STAG2: variants seen among roughly 807,000 people sequenced by gnomAD.
STAG2 encodes the protein STAG2 cohesin complex component, also known as cohesin subunit SA-2.
STAG2 carries 14 observed loss-of-function variants against 108.1 expected under a neutral mutation model. That is an observed-to-expected ratio of 0.13 (90% CI 0.09 to 0.20). STAG2 has a LOEUF of 0.20. Ranked by LOEUF, STAG2 falls within the 10% of genes least tolerant of loss-of-function variation. The probability of loss-of-function intolerance (pLI) is 1.00; values close to 1 mark genes in which losing one functional copy is unlikely to be tolerated. For synonymous variants in STAG2, 307 were observed against 302.7 expected, an observed-to-expected ratio of 1.01 and a Z score of -0.15; for missense variants, 440 against 940.9, an observed-to-expected ratio of 0.47 and a Z score of 6.96.
At chrX:123,978,154 C>CTT (rs778721456) in intron 1 of STAG2, among the ~76,000 whole-genome samples, 29 of 81,014 alleles carry the variant, frequency 3.6e-4, no homozygotes, top group South Asian at 2.7e-3. Context: ...CTACTGAGTT[C>CTT]TTTTTTTTTT....
intron 1 of STAG2, among the ~76,000 whole-genome samples, chrX:123,974,532 A>C (rs780113395): frequency 1.8e-3 from 172 of 98,047 alleles, no homozygotes; most frequent in Middle Eastern, 6.8e-3. Flanking sequence ...TGGCCCCATG[A>C]TCATCTTATA....
intron 1 of STAG2, among the ~76,000 whole-genome samples, chrX:123,993,006 G>C (rs1254226236): frequency 9.0e-6 from 1 of 111,310 alleles, no homozygotes; most frequent in Non-Finnish European, 1.9e-5. Context: ...GAAAAAGCAG[G>C]TCTTTGGTTT....
At chrX:124,066,149 T>A (rs753307903) in intron 21 of STAG2, 26 bp from the exon 22 acceptor site, 206 of 856,857 alleles carry the variant, frequency 2.4e-4, no homozygotes, top group Non-Finnish European at 3.0e-4. Flanking sequence ...CTTAATTTTT[T>A]TTTTTTTTTT....
Position 124,047,144 on chromosome X carries a change from A to G in STAG2, c.668-210A>G, listed in dbSNP as rs145891216. ...CGTGAATGAAATGGGTATAATACTT[A>G]CCTTTGAGAGGGCCATTGTGAGGAT... is the stretch of plus-strand genomic sequence containing the variant. On this transcript the variant is annotated intron_variant, in intron 8 of 34. Coordinates refer to ENST00000371145, the MANE Select transcript of STAG2 (RefSeq NM_001042750.2). Among the ~76,000 whole-genome samples, 284 of 111,687 alleles carry G rather than the reference A, an allele frequency of 2.5e-3. 1 individual carries two copies. Among genetic ancestry groups the G allele is most frequent in the African/African-American group, 8.5e-3 (261 of 30,836 alleles).
intron 29 of STAG2, among the ~76,000 whole-genome samples, chrX:124,086,226 A>G (rs1202334556): frequency 9.0e-6 from 1 of 111,635 alleles, no homozygotes; most frequent in African/African-American, 3.3e-5. Context: ...AATTACATAT[A>G]AGCCTTGAGA....
At chrX:124,073,953 T>G (rs2058737502) in intron 25 of STAG2, among the ~76,000 whole-genome samples, 1 of 112,428 alleles carries the variant, frequency 8.9e-6, no homozygotes, top group Non-Finnish European at 1.9e-5. Context: ...ATTTGTTGTT[T>G]ATCACACCTT....
intron 24 of STAG2, among the ~76,000 whole-genome samples, chrX:124,069,004 A>C (rs913054832): frequency 1.2e-4 from 13 of 111,807 alleles, no homozygotes; most frequent in African/African-American, 4.2e-4. Context: ...CCAGGGTAGA[A>C]AAGTCCACAG....
chrX:123,983,966 TTTC>T (rs1327901317), intron 1 of STAG2, among the ~76,000 whole-genome samples: 1 of 86,474 alleles, frequency 1.2e-5, no homozygotes, highest in Non-Finnish European at 2.2e-5. Flanking sequence ...ATAATTTTCT[TTTC>T]TTTTCTTTTT....
chrX:124,098,135 T>C (rs908807554), intron 34 of STAG2, among the ~76,000 whole-genome samples: 1 of 111,105 alleles, frequency 9.0e-6, no homozygotes, highest in African/African-American at 3.3e-5. Context: ...CATTTTTTAT[T>C]TATAGTGATT....
intron 5 of STAG2, among the ~76,000 whole-genome samples, chrX:124,033,282 C>T (rs1404551403): frequency 8.9e-6 from 1 of 112,181 alleles, no homozygotes; most frequent in Admixed American, 9.5e-5. Flanking sequence ...TCTAGTTCTC[C>T]TTTTGGGTTA....
At chrX:124,053,672 A>G (rs2058106872) in intron 13 of STAG2, among the ~76,000 whole-genome samples, 1 of 111,697 alleles carries the variant, frequency 9.0e-6, no homozygotes, top group African/African-American at 3.2e-5. Context: ...ATAGAGATGA[A>G]CACATATGCA....
chrX:123,977,832 GTTTTT>G (rs35569156), intron 1 of STAG2, among the ~76,000 whole-genome samples: 2 of 38,559 alleles, frequency 5.2e-5, no homozygotes, highest in African/African-American at 1.2e-4. Flanking sequence ...GTTCCCAAGT[GTTTTT>G]TTTTTTTTTT....
chrX:124,071,167 G>T lies in STAG2; in HGVS notation c.2377G>T (p.Asp793Tyr). ...VKEQAFTILC[D>Y]ILMIFSHQIM... Reference sequence around the variant, plus strand: ...TAAATAGGCCTTCACTATTCTGTGTGATATTTTGATGATCTTCAGCCATCA... The same window carrying T: ...TAAATAGGCCTTCACTATTCTGTGTTATATTTTGATGATCTTCAGCCATCA... Residue 793 changes from aspartate (D) to tyrosine (Y), a missense_variant, in exon 25 of 35, where the codon GAT becomes TAT. By Grantham distance (160) the Asp-to-Tyr change is radical. Transcript: ENST00000371145. 1 of 1,175,846 alleles carries T rather than the reference G, an allele frequency of 8.5e-7. No individual in the cohort carries two copies. Among genetic ancestry groups the T allele is most frequent in the East Asian group, 3.1e-5 (1 of 32,563 alleles).
chrX:124,046,944 A>G (rs1351034576), intron 8 of STAG2, among the ~76,000 whole-genome samples: 1 of 111,836 alleles, frequency 8.9e-6, no homozygotes, highest in African/African-American at 3.2e-5. Context: ...GTGTGAACTA[A>G]AATTTACTTT....
intron 1 of STAG2, among the ~76,000 whole-genome samples, chrX:123,972,349 C>T (rs2054390978): frequency 9.3e-6 from 1 of 107,146 alleles, no homozygotes; most frequent in South Asian, 4.1e-4. Context: ...CAGCTCACTG[C>T]AAGCTCCACC....
At chrX:124,096,450 G>A (rs2059381423) in intron 34 of STAG2, among the ~76,000 whole-genome samples, 2 of 111,006 alleles carry the variant, frequency 1.8e-5, no homozygotes, top group South Asian at 7.6e-4. Flanking sequence ...GACATTACCT[G>A]TGGAATTTTT....
chrX:124,073,279 C>G (rs1032023270), intron 25 of STAG2, among the ~76,000 whole-genome samples: 1 of 111,481 alleles, frequency 9.0e-6, no homozygotes, highest in African/African-American at 3.3e-5. Flanking sequence ...AGTACATAAC[C>G]GTTTTGTTAA....
chrX:123,978,346 C>A (rs2054725449), intron 1 of STAG2, among the ~76,000 whole-genome samples: 1 of 108,886 alleles, frequency 9.2e-6, no homozygotes, highest in East Asian at 2.9e-4. Flanking sequence ...TGTTGTTTCC[C>A]CCCATATGTC....
rs1491439046 is a variant in STAG2 at position 124,066,282 on chromosome X, TTA to T, written c.2184+21_2184+22del. 37 of 1,183,872 alleles carry T rather than the reference TTA, an allele frequency of 3.1e-5. No homozygotes were observed. The African/African-American group carries it at 4.8e-4, about 15-fold the overall frequency. On this transcript the variant is annotated intron_variant, in intron 22 of 34. Transcript: ENST00000371145. Reference sequence around the variant, plus strand: ...GAGCAGGTTTTTATTTATTTGCTAGTTACACATTTATCTTTGAAAAGTGAAGT... The same window carrying T: ...GAGCAGGTTTTTATTTATTTGCTAGTCACATTTATCTTTGAAAAGTGAAGT...
Sources: gnomAD v4.1 joint callset for allele counts (sites outside exome capture counted in the v4.1 genomes callset) on GRCh38, gnomAD v4.1.1 for gene constraint, MANE v1.5 for transcripts, NCBI Gene and HGNC (gene_info 2026-07-23, HGNC 2026-07-21) for gene names.